Variants in DGKH observed in about 807,000 individuals in gnomAD.
DGKH encodes diacylglycerol kinase eta, also known as DAG kinase eta.
Under a neutral mutation model 159.3 loss-of-function variants are expected in DGKH, and 90 were observed. The ratio of observed to expected loss-of-function variants is 0.57; its 90% CI spans 0.48 to 0.67. The LOEUF is 0.67. Ranked by LOEUF, DGKH falls within the 30% of genes least tolerant of loss-of-function variation. The pLI, the probability that DGKH is intolerant of heterozygous loss-of-function variation, is 0.00. For synonymous variants in DGKH, 536 were observed against 553.8 expected, an observed-to-expected ratio of 0.97 and a Z score of 0.45; for missense variants, 1,181 against 1,506.1, an observed-to-expected ratio of 0.78 and a Z score of 3.57.
intron 1 of DGKH, among the ~76,000 whole-genome samples, chr13:42,120,927 C>T (rs1286592723): frequency 1.3e-5 from 2 of 152,126 alleles, no homozygotes; most frequent in Non-Finnish European, 2.9e-5. Flanking sequence ...ACCACTGTCA[C>T]AGAGGTTACT....
intron 9 of DGKH, among the ~76,000 whole-genome samples, chr13:42,168,215 C>T (rs1416314440): frequency 6.6e-6 from 1 of 152,124 alleles, no homozygotes; most frequent in East Asian, 1.9e-4. Context: ...ACCCCCATTC[C>T]TCCTAATTTT....
chr13:42,196,183 C>T (rs993469962), intron 17 of DGKH, among the ~76,000 whole-genome samples: 3 of 152,122 alleles, frequency 2.0e-5, no homozygotes, highest in African/African-American at 7.2e-5. Flanking sequence ...GAAATTAGAA[C>T]TTTCATGCAT....
At chr13:42,098,091 G>T (rs749057612) in intron 1 of DGKH, among the ~76,000 whole-genome samples, 1 of 151,818 alleles carries the variant, frequency 6.6e-6, no homozygotes, top group Non-Finnish European at 1.5e-5. Context: ...CTTTTTTATT[G>T]GGAATGAGTA....
downstream of DGKH, among the ~76,000 whole-genome samples, chr13:42,243,805 T>G (rs1411252041): frequency 6.6e-6 from 1 of 152,124 alleles, no homozygotes; most frequent in Non-Finnish European, 1.5e-5. Context: ...AAGGTGGAAC[T>G]GGAGTAGGCA....
chr13:42,247,024 C>G (rs1357742405), downstream of DGKH, among the ~76,000 whole-genome samples: 1 of 152,116 alleles, frequency 6.6e-6, no homozygotes, highest in Non-Finnish European at 1.5e-5. Context: ...CTGAAAACTT[C>G]CTGTCGCCCA....
At chr13:42,194,798 A>T (rs923276916) in intron 16 of DGKH, 87 bp from the exon 17 acceptor site, 13 of 1,419,924 alleles carry the variant, frequency 9.2e-6, no homozygotes, top group Non-Finnish European at 1.2e-5. Flanking sequence ...TGATTTAAAC[A>T]TTATTTTATG....
intron 23 of DGKH, among the ~76,000 whole-genome samples, chr13:42,209,760 C>T (rs1443340740): frequency 6.6e-6 from 1 of 152,148 alleles, no homozygotes; most frequent in Non-Finnish European, 1.5e-5. Context: ...TAACATCTTG[C>T]ATTAGTGTGG....
chr13:42,222,853 A>G (rs1298826975), intron 29 of DGKH, among the ~76,000 whole-genome samples: 1 of 152,218 alleles, frequency 6.6e-6, no homozygotes, highest in Non-Finnish European at 1.5e-5. Context: ...AAACATAGAT[A>G]TATACAGGTA....
In DGKH at chr13:42,241,598, T is replaced by C. The variant is rs1958515230; in HGVS notation, c.*12410T>C. The C allele has an allele frequency of 6.6e-6, 1 of 152,180 alleles. No homozygotes were observed. Among genetic ancestry groups the C allele is most frequent in the African/African-American group, 2.4e-5 (1 of 41,442 alleles). 9.4% of individuals were successfully genotyped at this position (152,180 alleles called of 1,614,324 possible). A position where few individuals can be genotyped will look rare whatever the true frequency, so the allele number is the denominator to read the frequency against. ...TTGGGAAGGCATATATGCCTTTTGA[T>C]GACACACACACCAAAATATATAAGA... On this transcript the variant is annotated 3_prime_UTR_variant, in exon 30 of 30. Coordinates refer to ENST00000337343, the MANE Select transcript of DGKH (RefSeq NM_178009.5).
At chr13:42,138,526 G>A (rs1258626502) in intron 3 of DGKH, among the ~76,000 whole-genome samples, 1 of 152,190 alleles carries the variant, frequency 6.6e-6, no homozygotes, top group Non-Finnish European at 1.5e-5. Context: ...CTTGTTGGAT[G>A]AATGAATTAG....
chr13:42,207,019 CTT>C (rs1566191693), intron 21 of DGKH, among the ~76,000 whole-genome samples: 3 of 140,882 alleles, frequency 2.1e-5, no homozygotes, highest in African/African-American at 8.0e-5. Flanking sequence ...TTCTTTCTTT[CTT>C]TCTTTTTCTT....
intron 13 of DGKH, among the ~76,000 whole-genome samples, chr13:42,183,327 C>T (rs183177458): frequency 6.6e-6 from 1 of 152,060 alleles, no homozygotes; most frequent in East Asian, 1.9e-4. Flanking sequence ...AATGGTTTCC[C>T]TTTAAAAAAC....
At chr13:42,062,648 T>A (rs1882268008) in intron 1 of DGKH, among the ~76,000 whole-genome samples, 1 of 152,208 alleles carries the variant, frequency 6.6e-6, no homozygotes, top group African/African-American at 2.4e-5. Flanking sequence ...CTACATCCAC[T>A]TGGGAGGTGT....
chr13:42,069,131 C>A (rs1593980921), intron 1 of DGKH: 1 of 1,402,134 alleles, frequency 7.1e-7, no homozygotes, highest in East Asian at 2.3e-5. Flanking sequence ...TTCCTCATTT[C>A]TCTCTCCCCA....
intron 1 of DGKH, among the ~76,000 whole-genome samples, chr13:42,085,077 T>C (rs1421215356): frequency 6.6e-6 from 1 of 151,490 alleles, no homozygotes; most frequent in Non-Finnish European, 1.5e-5. Context: ...GCATATGATA[T>C]AATATAAGAA....
chr13:42,154,414 G>A (rs894703571), intron 3 of DGKH, among the ~76,000 whole-genome samples: 1 of 152,166 alleles, frequency 6.6e-6, no homozygotes, highest in African/African-American at 2.4e-5. Flanking sequence ...ATAAATAGGG[G>A]CTTCTTTCAA....
intron 3 of DGKH, among the ~76,000 whole-genome samples, chr13:42,132,748 A>C (rs1955312551): frequency 6.6e-6 from 1 of 152,094 alleles, no homozygotes; most frequent in Non-Finnish European, 1.5e-5. Flanking sequence ...CAAATACAAA[A>C]ATTAGCTGGG....
chr13:42,113,630 C>G (rs546199048), intron 1 of DGKH, among the ~76,000 whole-genome samples: 17 of 152,058 alleles, frequency 1.1e-4, no homozygotes, highest in African/African-American at 4.1e-4. Flanking sequence ...GAGGCTGATA[C>G]GAAAGCCAGG....
intron 16 of DGKH, among the ~76,000 whole-genome samples, chr13:42,193,372 G>A (rs1957129862): frequency 6.6e-6 from 1 of 152,174 alleles, no homozygotes; most frequent in Non-Finnish European, 1.5e-5. Context: ...AATAGACAGA[G>A]ATTTAGAAAA....
Sources: gnomAD v4.1 joint callset for allele counts (sites outside exome capture counted in the v4.1 genomes callset) on GRCh38, gnomAD v4.1.1 for gene constraint, MANE v1.5 for transcripts, NCBI Gene and HGNC (gene_info 2026-07-23, HGNC 2026-07-21) for gene names.